Variants in OR4M1 observed in about 807,000 individuals in gnomAD.
OR4M1 encodes olfactory receptor family 4 subfamily M member 1.
In OR4M1, 7 loss-of-function variants were observed where a neutral mutation model predicts 9.8. The ratio of observed to expected loss-of-function variants is 0.71; its 90% CI spans 0.41 to 1.34. The LOEUF is 1.34. Among genes scored for constraint, OR4M1 ranks in the 40% most tolerant of loss-of-function variants. The probability of loss-of-function intolerance (pLI) is 0.01; values close to 1 mark genes in which losing one functional copy is unlikely to be tolerated. For synonymous variants in OR4M1, 121 were observed against 139.8 expected (o/e 0.87, Z 0.95); for missense variants, 331 against 380.4 (o/e 0.87, Z 1.08).
In OR4M1 at chr14:19,783,670, T is replaced by G. The variant is rs1566453865; in HGVS notation, c.*2406T>G. On this transcript the variant is annotated 3_prime_UTR_variant, in exon 2 of 2. Transcript: ENST00000641200. ...TTAAATGTCTTTTAATCTCTTTTTT[T>G]CTTTCAGTCTCTCCTAGTCCTCCTT... 1.3e-5 allele frequency: 2 copies of G among 152,304 alleles called. No individual in the cohort carries two copies. The highest frequency in any genetic ancestry group is 2.9e-5 in the Non-Finnish European group (2 of 68,074). 9.4% of individuals were successfully genotyped at this position (152,304 alleles called of 1,614,324 possible).
chr14:19,780,400 C>T lies in OR4M1; in HGVS notation c.78C>T (p.Val26=), dbSNP rs1376412331. ...GLSQTREVQL[V]LFVIFLSFYL... is the part of the protein sequence containing the mutation. The stretch of plus-strand genomic sequence containing the variant: ...CCCAGACTCGGGAGGTCCAACTAGT[C>T]CTATTTGTTATATTTCTATCCTTCT... The change falls in exon 2 of 2, where the codon GTC becomes GTT. Residue 26 remains valine, a synonymous_variant. Coordinates refer to ENST00000641200, the MANE Select transcript of OR4M1 (RefSeq NM_001005500.2). 6.2e-7 allele frequency: 1 copy of T among 1,614,162 alleles called. No homozygotes were observed. The highest frequency in any genetic ancestry group is 2.2e-5 in the East Asian group (1 of 44,888).
Position 19,780,714 on chromosome 14 carries a change from ACTATG to A in OR4M1, c.396_400del (p.Ala133HisfsTer39). Reference sequence around the variant, plus strand: ...TATGCTGCTATCTGCCGACCCCTCCACTATGCTACCATCATGAATCGACGTCTCTG... The same window carrying A: ...TATGCTGCTATCTGCCGACCCCTCCACTACCATCATGAATCGACGTCTCTG... On this transcript the variant is annotated frameshift_variant, in exon 2 of 2. Coordinates refer to ENST00000641200, the MANE Select transcript of OR4M1 (RefSeq NM_001005500.2). LOFTEE classifies it high-confidence loss of function. 6.2e-7 allele frequency: 1 copy of A among 1,614,210 alleles called. No homozygotes were observed. The highest frequency in any genetic ancestry group is 8.5e-7 in the Non-Finnish European group (1 of 1,180,034).
rs1447606173 is a variant in OR4M1, at chr14:19,783,440, A to T, written c.*2176A>T. 2 of 152,658 alleles carry T rather than the reference A, an allele frequency of 1.3e-5. No homozygotes were observed. The highest frequency in any genetic ancestry group is 1.3e-4 in the Admixed American group (2 of 15,282). The allele number at this position is 152,658 out of a possible 1,614,324, so 9.5% of individuals were successfully genotyped here. A position where few individuals can be genotyped will look rare whatever the true frequency, so the allele number is the denominator to read the frequency against. ...ATGTCAATAGTGCCGAGAATGAAGA[A>T]CTCCATCAGGTTGAGAAACTCTGAC... On this transcript the variant is annotated 3_prime_UTR_variant, in exon 2 of 2. Coordinates refer to ENST00000641200, the MANE Select transcript of OR4M1 (RefSeq NM_001005500.2).
chr14:19,780,240 A>G (rs1252116523), intron 1 of OR4M1, 54 bp from the exon 2 acceptor site: 9 of 1,388,120 alleles, frequency 6.5e-6, no homozygotes, highest in Non-Finnish European at 8.8e-6. Flanking sequence ...AAGCAGTGAT[A>G]TAACTCTAGA....
In OR4M1 at chr14:19,780,731, A is replaced by C. The variant is rs1203564234; in HGVS notation, c.409A>C (p.Asn137His). 5.6e-6 allele frequency: 9 copies of C among 1,614,106 alleles called. No individual in the cohort carries two copies. The highest frequency in any genetic ancestry group is 3.3e-5 in the Admixed American group (2 of 60,002). The change falls in exon 2 of 2, where the codon AAT (asparagine) becomes CAT (histidine). Residue 137 changes from asparagine to histidine, a missense_variant. This residue lies in a region of OR4M1 where 209 missense variants were observed against 200.0 expected (regional missense o/e 1.04). Coordinates refer to ENST00000641200, the MANE Select transcript of OR4M1 (RefSeq NM_001005500.2). ...ACCCCTCCACTATGCTACCATCATGAATCGACGTCTCTGCTGTATCCTGGT... is the reference window on the plus strand; with the variant it reads ...ACCCCTCCACTATGCTACCATCATGCATCGACGTCTCTGCTGTATCCTGGT... ...CRPLHYATIMNRRLCCILVAL... is the reference protein window; with the variant it reads ...CRPLHYATIMHRRLCCILVAL...
At chr14:19,775,428 A>G (rs537494595) in intron 1 of OR4M1, among the ~76,000 whole-genome samples, 1 of 151,944 alleles carries the variant, frequency 6.6e-6, no homozygotes. Context: ...CTGCAACTCT[A>G]TGAGAAATAA....
Position 19,780,763 on chromosome 14 carries a change from C to G in OR4M1, c.441C>G (p.Leu147=), listed in dbSNP as rs1878462098. Residue 147 remains leucine, a synonymous_variant, in exon 2 of 2, where the codon CTC becomes CTG. Coordinates refer to ENST00000641200, the MANE Select transcript of OR4M1 (RefSeq NM_001005500.2). ...GTCTCTGCTGTATCCTGGTGGCTCT[C>G]TCCTGGATGGGGGGCTTCATTCATT... ...NRRLCCILVA[L]SWMGGFIHSI... The G allele has an allele frequency of 6.2e-7, 1 of 1,614,128 alleles. No homozygotes were observed. The highest frequency in any genetic ancestry group is 1.3e-5 in the African/African-American group (1 of 74,936).
rs1309306673 is a variant in OR4M1, at chr14:19,780,182, G to A, written c.-29-112G>A. On this transcript the variant is annotated intron_variant, in intron 1 of 1. Coordinates refer to ENST00000641200, the MANE Select transcript of OR4M1 (RefSeq NM_001005500.2). ...TCAAATATAAAATGGGCAACCAAAT[G>A]TATCCTCATGTAATCTGTTAGTGAC... 4 of 957,878 alleles carry A rather than the reference G, an allele frequency of 4.2e-6. No homozygotes were observed. In the African/African-American group the frequency reaches 6.7e-5, roughly 16 times the overall value. 59.3% of individuals were successfully genotyped at this position (957,878 alleles called of 1,614,324 possible). A position where few individuals can be genotyped will look rare whatever the true frequency, so the allele number is the denominator to read the frequency against.
At chr14:19,775,450 T>C (rs1321644459) in intron 1 of OR4M1, among the ~76,000 whole-genome samples, 4 of 151,738 alleles carry the variant, frequency 2.6e-5, no homozygotes, top group Admixed American at 1.3e-4. Context: ...GGTCCTCCTT[T>C]CCAAATTTAT....
intron 1 of OR4M1, among the ~76,000 whole-genome samples, chr14:19,774,219 T>C (rs1878246462): frequency 6.6e-6 from 1 of 152,230 alleles, no homozygotes; most frequent in Admixed American, 6.5e-5. Flanking sequence ...ATATGTATTT[T>C]AACAAAAAGG....
chr14:19,775,927 G>A (rs1671778735), intron 1 of OR4M1, among the ~76,000 whole-genome samples: 2 of 151,816 alleles, frequency 1.3e-5, no homozygotes, highest in South Asian at 4.1e-4. Flanking sequence ...GTTTACTGTG[G>A]GCAACGATGC....
chr14:19,780,462 G>A lies in OR4M1; in HGVS notation c.140G>A (p.Cys47Tyr). ...CTACCAGGAAATATCCTTATCATTT[G>A]CACCATCAGGCTAGACCCTCATCTG... The part of the protein sequence containing the change: ...FILPGNILII[C>Y]TIRLDPHLTS... The change falls in exon 2 of 2, where the codon TGC (cysteine) becomes TAC (tyrosine). Residue 47 changes from cysteine to tyrosine, a missense_variant. Transcript: ENST00000641200. 2 of 1,614,114 alleles carry A rather than the reference G, an allele frequency of 1.2e-6. No individual in the cohort carries two copies. The highest frequency in any genetic ancestry group is 1.7e-6 in the Non-Finnish European group (2 of 1,179,976).
At position 19,781,283 on chromosome 14, in the gene OR4M1, T is replaced by G. The variant is rs1237092685; in HGVS notation, c.*19T>G. The stretch of plus-strand genomic sequence containing the variant: ...GAAGTGAAAGATAAATTATACATTT[T>G]ATAGTCCTCCTGAGGATCATTGTCC... On this transcript the variant is annotated 3_prime_UTR_variant, in exon 2 of 2. Transcript: ENST00000641200. The G allele has an allele frequency of 2.9e-5, 45 of 1,566,016 alleles. No individual in the cohort carries two copies. The highest frequency in any genetic ancestry group is 3.9e-5 in the Non-Finnish European group (45 of 1,147,706).
In OR4M1 at chr14:19,780,478, C is replaced by A. The variant is rs989724107; in HGVS notation, c.156C>A (p.Asp52Glu). The A allele has an allele frequency of 4.3e-6, 7 of 1,614,080 alleles. No individual in the cohort carries two copies. The African/African-American group carries it at 8.0e-5, about 18-fold the overall frequency. ...TTATCATTTGCACCATCAGGCTAGA[C>A]CCTCATCTGACTTCTCCTATGTATT... is the stretch of plus-strand genomic sequence containing the variant. ...NILIICTIRL[D>E]PHLTSPMYFL... The change falls in exon 2 of 2, where the codon GAC (aspartate) becomes GAA (glutamate). Residue 52 changes from aspartate to glutamate, a missense_variant. Coordinates refer to ENST00000641200, the MANE Select transcript of OR4M1 (RefSeq NM_001005500.2).
At chr14:19,776,775 A>G (rs1878320824) in intron 1 of OR4M1, among the ~76,000 whole-genome samples, 1 of 152,026 alleles carries the variant, frequency 6.6e-6, no homozygotes, top group Non-Finnish European at 1.5e-5. Context: ...TAGTTTATTT[A>G]GCCCAATTTT....
chr14:19,776,207 C>A (rs1228778698), intron 1 of OR4M1, among the ~76,000 whole-genome samples: 1 of 152,196 alleles, frequency 6.6e-6, no homozygotes, highest in Non-Finnish European at 1.5e-5. Context: ...CTTAATTTAC[C>A]TTTCTGAGAA....
At chr14:19,776,237 T>G (rs1878305855) in intron 1 of OR4M1, among the ~76,000 whole-genome samples, 1 of 152,230 alleles carries the variant, frequency 6.6e-6, no homozygotes, top group African/African-American at 2.4e-5. Flanking sequence ...TCATAGGATT[T>G]TAGAGGTAGA....
chr14:19,778,708 T>A (rs1878379859), intron 1 of OR4M1, among the ~76,000 whole-genome samples: 1 of 152,234 alleles, frequency 6.6e-6, no homozygotes, highest in South Asian at 2.1e-4. Flanking sequence ...CTATACCTGT[T>A]GCGTTATTAG....
Position 19,781,320 on chromosome 14 carries a change from G to T in OR4M1, c.*56G>T, listed in dbSNP as rs1878492959. On this transcript the variant is annotated 3_prime_UTR_variant, in exon 2 of 2. Coordinates refer to ENST00000641200, the MANE Select transcript of OR4M1 (RefSeq NM_001005500.2). ...GAGGATCATTGTCCTAAAGCAGGAA[G>T]TATTTGCAGTAATAATGCTGCATTC... is the stretch of plus-strand genomic sequence containing the variant. The T allele has an allele frequency of 1.2e-5, 16 of 1,390,612 alleles. 1 individual carries two copies. In the South Asian group the frequency reaches 2.0e-4, roughly 18 times the overall value. The allele number at this position is 1,390,612 out of a possible 1,614,324, so 86.1% of individuals were successfully genotyped here.
Sources: allele counts gnomAD v4.1 joint callset (sites outside exome capture counted in the v4.1 genomes callset), GRCh38; gene constraint gnomAD v4.1.1; regional missense constraint gnomAD v4.1.1; transcripts MANE v1.5; gene names NCBI Gene and HGNC (gene_info 2026-07-23, HGNC 2026-07-21).